The following PLEKHG1 variants were observed in gnomAD, a reference collection of about 807,000 sequenced individuals.
PLEKHG1 encodes the protein pleckstrin homology domain-containing family G member 1.
A neutral mutation model predicts 100.8 loss-of-function variants in PLEKHG1; 44 were observed. That is an observed-to-expected ratio of 0.44 (90% confidence interval 0.34 to 0.56). The LOEUF (loss-of-function observed/expected upper bound fraction) is 0.56. Among genes scored for constraint, PLEKHG1 ranks in the 20% least tolerant of loss-of-function variants. PLEKHG1 has a pLI of 0.01. For synonymous variants in PLEKHG1, 640 were observed against 662.5 expected (o/e 0.97, Z 0.52); for missense variants, 1,545 against 1,720.9 (o/e 0.90, Z 1.81).
At position 150,686,002 on chromosome 6, in the gene PLEKHG1, A is replaced by C. The variant is rs144659346; in HGVS notation, c.-99+35216A>C. ...GGCTGAATGACTATAGCATACAGAG[A>C]TGGCCAAGGGATTCTAGAACTTTCT... On this transcript the variant is annotated intron_variant, in intron 3 of 3. Coordinates refer to the PLEKHG1 transcript ENST00000367326. Among the ~76,000 whole-genome samples, 270 of 152,314 alleles carry C rather than the reference A, an allele frequency of 1.8e-3. 2 individuals carry two copies. The highest frequency in any genetic ancestry group is 6.2e-3 in the African/African-American group (258 of 41,574).
chr6:150,754,730 A>G (rs1783728991), intron 2 of PLEKHG1, among the ~76,000 whole-genome samples: 3 of 148,992 alleles, frequency 2.0e-5, no homozygotes, highest in African/African-American at 7.5e-5. Context: ...GGGCAATGGC[A>G]CAATCTTGGC....
intron 5 of PLEKHG1, among the ~76,000 whole-genome samples, chr6:150,796,455 G>C (rs992558429): frequency 1.3e-5 from 2 of 152,172 alleles, no homozygotes; most frequent in African/African-American, 4.8e-5. Flanking sequence ...TGGCACAAGG[G>C]CAGTGTAGGA....
intron 3 of PLEKHG1, among the ~76,000 whole-genome samples, chr6:150,666,003 G>A (rs952710362): frequency 4.6e-5 from 7 of 152,132 alleles, no homozygotes; most frequent in Admixed American, 1.3e-4. Flanking sequence ...TTATCCTGTA[G>A]GTGGTCTGAT....
intron 3 of PLEKHG1, among the ~76,000 whole-genome samples, chr6:150,712,088 AGAC>A (rs1249372586): frequency 8.5e-5 from 13 of 152,210 alleles, no homozygotes; most frequent in African/African-American, 3.1e-4. Context: ...AAGCAAAGAG[AGAC>A]GACAACAGTG....
chr6:150,715,371 G>A (rs1781385498), intron 3 of PLEKHG1, among the ~76,000 whole-genome samples: 1 of 152,092 alleles, frequency 6.6e-6, no homozygotes, highest in African/African-American at 2.4e-5. Flanking sequence ...GTGTTAGTAC[G>A]TTAGCTCTTA....
chr6:150,612,307 G>GT (rs1326627003), intron 1 of PLEKHG1, among the ~76,000 whole-genome samples: 1 of 151,960 alleles, frequency 6.6e-6, no homozygotes, highest in Non-Finnish European at 1.5e-5. Context: ...TTGAATGTGT[G>GT]TTTTTTTGTG....
chr6:150,680,870 CT>C (rs1374260313), intron 3 of PLEKHG1, among the ~76,000 whole-genome samples: 1 of 152,138 alleles, frequency 6.6e-6, no homozygotes, highest in Non-Finnish European at 1.5e-5. Context: ...AGGGCTACAG[CT>C]GGAGGAGGAC....
At chr6:150,606,327 C>A (rs1021315915) in intron 1 of PLEKHG1, among the ~76,000 whole-genome samples, 1 of 152,132 alleles carries the variant, frequency 6.6e-6, no homozygotes, top group Non-Finnish European at 1.5e-5. Flanking sequence ...TTAGCTCCAG[C>A]CTTCCTTCTG....
chr6:150,734,100 C>A lies in PLEKHG1; in HGVS notation c.411+8C>A. On this transcript the variant is annotated splice_region_variant and intron_variant, in intron 2 of 15. Transcript: ENST00000358517. ...TTAAAAAGCATCGTAGAGGTAAGAC[C>A]GACTTCGCTTTTAATGTTTGCCATG... The A allele has an allele frequency of 6.3e-7, 1 of 1,592,424 alleles. No homozygotes were observed. The highest frequency in any genetic ancestry group is 1.1e-5 in the South Asian group (1 of 88,766).
chr6:150,820,476 A>G (rs1260136711), intron 12 of PLEKHG1, among the ~76,000 whole-genome samples: 3 of 152,126 alleles, frequency 2.0e-5, no homozygotes, highest in African/African-American at 2.4e-5. Context: ...GTCTTTATTC[A>G]TTACCCACTT....
At chr6:150,716,077 C>A (rs1372429340) in intron 3 of PLEKHG1, among the ~76,000 whole-genome samples, 2 of 143,538 alleles carry the variant, frequency 1.4e-5, no homozygotes, top group South Asian at 4.6e-4. Context: ...CACTGCACTC[C>A]AGCCTGGGCG....
intron 15 of PLEKHG1, among the ~76,000 whole-genome samples, chr6:150,837,517 C>A (rs1777292378): frequency 6.6e-6 from 1 of 152,228 alleles, no homozygotes. Flanking sequence ...AATTTTGATA[C>A]TGGAATAGTT....
chr6:150,785,046 A>AAAG (rs1554273274), intron 3 of PLEKHG1, among the ~76,000 whole-genome samples: 4 of 151,760 alleles, frequency 2.6e-5, no homozygotes, highest in Admixed American at 6.6e-5. Flanking sequence ...AAAAAAAAAA[A>AAAG]AGAGAGAGAG....
chr6:150,739,816 A>G (rs1782757556), intron 2 of PLEKHG1, among the ~76,000 whole-genome samples: 1 of 152,136 alleles, frequency 6.6e-6, no homozygotes, highest in Non-Finnish European at 1.5e-5. Flanking sequence ...GTGATCACCA[A>G]CCCCAAGCTC....
chr6:150,611,829 A>G (rs1776843792), intron 1 of PLEKHG1, among the ~76,000 whole-genome samples: 1 of 151,114 alleles, frequency 6.6e-6, no homozygotes, highest in South Asian at 2.1e-4. Flanking sequence ...AAAAAAAAAG[A>G]AAGAAAATAA....
exon 16 of PLEKHG1, chr6:150,841,292 T>C (rs539639228): frequency 8.2e-5 from 23 of 281,204 alleles, no homozygotes; most frequent in African/African-American, 4.9e-4. Flanking sequence ...GGAGACTTTT[T>C]CACATTTTAA....
chr6:150,734,770 A>G (rs747779186), intron 2 of PLEKHG1, among the ~76,000 whole-genome samples: 2 of 152,058 alleles, frequency 1.3e-5, no homozygotes, highest in African/African-American at 2.4e-5. Flanking sequence ...ATTATTTTGC[A>G]TATGTTATTA....
intron 10 of PLEKHG1, among the ~76,000 whole-genome samples, chr6:150,814,807 A>G (rs1787762663): frequency 6.6e-6 from 1 of 152,178 alleles, no homozygotes; most frequent in Admixed American, 6.5e-5. Context: ...TGCCACCTCC[A>G]CCTTCTGGGT....
chr6:150,744,994 T>C (rs1783077248), intron 2 of PLEKHG1, among the ~76,000 whole-genome samples: 1 of 152,076 alleles, frequency 6.6e-6, no homozygotes, highest in African/African-American at 2.4e-5. Context: ...GAAAGAGCTA[T>C]GTGAGTTTCA....
Sources: allele counts gnomAD v4.1 joint callset (sites outside exome capture counted in the v4.1 genomes callset), GRCh38; gene constraint gnomAD v4.1.1; transcripts MANE v1.5; gene names NCBI Gene and HGNC (gene_info 2026-07-23, HGNC 2026-07-21).